ENTREP2: variants seen among roughly 807,000 people sequenced by gnomAD.
ENTREP2 encodes endosomal transmembrane epsin interactor 2.
chr15:29,293,641 G>A, the ENTREP2 span, among the ~76,000 whole-genome samples: 1 of 152,294 alleles, frequency 6.6e-6, no homozygotes, highest in South Asian at 2.1e-4. Context: ...AAGCAGGTGT[G>A]AGCTGCTGTG....
At chr15:29,172,102 G>A in the ENTREP2 span, among the ~76,000 whole-genome samples, 5 of 152,186 alleles carry the variant, frequency 3.3e-5, no homozygotes, top group East Asian at 3.9e-4. Context: ...TTTTGCTTAG[G>A]AATTGGAAGC....
the ENTREP2 span, among the ~76,000 whole-genome samples, chr15:29,354,338 T>C: frequency 1.3e-5 from 2 of 152,160 alleles, no homozygotes; most frequent in Admixed American, 1.3e-4. Flanking sequence ...GATGGCAGAT[T>C]GTGGGACTTC....
At chr15:29,293,949 G>T in the ENTREP2 span, among the ~76,000 whole-genome samples, 6 of 152,290 alleles carry the variant, frequency 3.9e-5, no homozygotes, top group East Asian at 1.9e-4. Context: ...AGGGTGGGGG[G>T]AGATTGTCTG....
the ENTREP2 span, among the ~76,000 whole-genome samples, chr15:29,424,002 C>T: frequency 2.6e-5 from 4 of 152,160 alleles, no homozygotes; most frequent in Non-Finnish European, 5.9e-5. Flanking sequence ...GGAATGAAGG[C>T]GTGGACCCTC....
chr15:29,439,284 TACACAC>T, the ENTREP2 span, among the ~76,000 whole-genome samples: 27,830 of 96,078 alleles, frequency 0.29, 3,303 homozygotes, highest in South Asian at 0.45. Context: ...AAATTGGAAT[TACACAC>T]ACACACACAC....
At chr15:29,555,635 T>C in the ENTREP2 span, among the ~76,000 whole-genome samples, 1 of 152,154 alleles carries the variant, frequency 6.6e-6, no homozygotes, top group African/African-American at 2.4e-5. Context: ...AGCTGGCTAT[T>C]TGCATATTCC....
At chr15:29,346,790 A>T in the ENTREP2 span, among the ~76,000 whole-genome samples, 1 of 152,232 alleles carries the variant, frequency 6.6e-6, no homozygotes, top group Non-Finnish European at 1.5e-5. Flanking sequence ...AGTAAACTTC[A>T]GAAAATGCTC....
At chr15:29,600,420 C>T in the ENTREP2 span, among the ~76,000 whole-genome samples, 1 of 147,650 alleles carries the variant, frequency 6.8e-6, no homozygotes, top group Non-Finnish European at 1.5e-5. Context: ...ACTCCAAAGC[C>T]CATCCCAGTT....
At chr15:29,216,857 A>AAAAAGAAAAG in the ENTREP2 span, among the ~76,000 whole-genome samples, 1 of 152,204 alleles carries the variant, frequency 6.6e-6, no homozygotes, top group South Asian at 2.1e-4. Context: ...ATTGTTTAAA[A>AAAAAGAAAAG]AAAAGAAAAG....
the ENTREP2 span, among the ~76,000 whole-genome samples, chr15:29,636,334 C>G: frequency 6.6e-6 from 1 of 152,224 alleles, no homozygotes; most frequent in African/African-American, 2.4e-5. Flanking sequence ...CTGGAATGTG[C>G]TTGTGCGTAC....
the ENTREP2 span, among the ~76,000 whole-genome samples, chr15:29,481,310 C>A: frequency 6.6e-6 from 1 of 152,118 alleles, no homozygotes; most frequent in Non-Finnish European, 1.5e-5. Context: ...GGGGGTGGGG[C>A]CTGAGACCCT....
the ENTREP2 span, among the ~76,000 whole-genome samples, chr15:29,223,528 CTCAGCTACGTGTAACTGGATATCAGT>C: frequency 6.6e-6 from 1 of 152,216 alleles, no homozygotes; most frequent in Admixed American, 6.5e-5. Flanking sequence ...CATGGGTTGA[CTCAGCTACGTGTAACTGGATATCAGT>C]TTAGCCACTA....
chr15:29,140,979 T>C, the ENTREP2 span, among the ~76,000 whole-genome samples: 2 of 151,898 alleles, frequency 1.3e-5, no homozygotes, highest in South Asian at 2.1e-4. Flanking sequence ...ACAACAGGAG[T>C]GAGGATTTGA....
chr15:29,371,284 G>A, the ENTREP2 span, among the ~76,000 whole-genome samples: 2 of 150,866 alleles, frequency 1.3e-5, no homozygotes, highest in African/African-American at 2.4e-5. Flanking sequence ...TCTGGACCAC[G>A]CATACTAGGG....
the ENTREP2 span, among the ~76,000 whole-genome samples, chr15:29,371,939 G>GATAA: frequency 5.3e-5 from 8 of 151,350 alleles, no homozygotes; most frequent in Non-Finnish European, 1.2e-4. Flanking sequence ...TAGATAGATA[G>GATAA]ATAGATAGAT....
At chr15:29,632,158 G>T in the ENTREP2 span, among the ~76,000 whole-genome samples, 1 of 152,156 alleles carries the variant, frequency 6.6e-6, no homozygotes, top group East Asian at 1.9e-4. Flanking sequence ...ATATAGCAAA[G>T]ATAAAAAGAA....
chr15:29,401,447 A>C, the ENTREP2 span, among the ~76,000 whole-genome samples: 1 of 152,248 alleles, frequency 6.6e-6, no homozygotes, highest in Non-Finnish European at 1.5e-5. Context: ...GAAAACAATA[A>C]GATAAGTATT....
the ENTREP2 span, among the ~76,000 whole-genome samples, chr15:29,422,350 C>T: frequency 6.6e-6 from 1 of 152,172 alleles, no homozygotes; most frequent in Non-Finnish European, 1.5e-5. Flanking sequence ...TTATCTCTCA[C>T]CCAGGATGGG....
the ENTREP2 span, among the ~76,000 whole-genome samples, chr15:29,622,841 C>G: frequency 7.2e-5 from 11 of 152,268 alleles, no homozygotes; most frequent in East Asian, 1.9e-3. Flanking sequence ...GCGAGGTGGC[C>G]GTGGAGATGA....
Sources: allele counts gnomAD v4.1 joint callset (sites outside exome capture counted in the v4.1 genomes callset), GRCh38; gene constraint gnomAD v4.1.1; transcripts MANE v1.5; gene names NCBI Gene and HGNC (gene_info 2026-07-23, HGNC 2026-07-21).